The following CNTNAP2 variants were observed in gnomAD, a reference collection of about 807,000 sequenced individuals.
The protein encoded by CNTNAP2 is contactin associated protein 2, also known as contactin-associated protein-like 2.
Under a neutral mutation model 155.2 loss-of-function variants are expected in CNTNAP2, and 98 were observed. That is an observed-to-expected ratio of 0.63 (90% CI 0.54 to 0.75). The LOEUF is 0.75. Among genes scored for constraint, CNTNAP2 ranks in the 30% least tolerant of loss-of-function variants. CNTNAP2 has a pLI of 0.00. For missense variants in CNTNAP2, 1,727 were observed against 1,688.1 expected, an observed-to-expected ratio of 1.02 and a Z score of -0.40; for synonymous variants, 651 against 631.2, an observed-to-expected ratio of 1.03 and a Z score of -0.47.
At chr7:146,907,769 C>G (rs1199555556) in intron 3 of CNTNAP2, among the ~76,000 whole-genome samples, 3 of 150,330 alleles carry the variant, frequency 2.0e-5, no homozygotes, top group African/African-American at 7.3e-5. Context: ...CAGCTAACAT[C>G]ATAATGACAG....
intron 1 of CNTNAP2, among the ~76,000 whole-genome samples, chr7:146,361,383 C>T (rs370420990): frequency 3.3e-4 from 50 of 152,250 alleles, no homozygotes; most frequent in Middle Eastern, 3.4e-3. Flanking sequence ...CAGTCCCCCA[C>T]GTGTACCAAG....
chr7:146,410,943 T>C (rs1795856606), intron 1 of CNTNAP2, among the ~76,000 whole-genome samples: 1 of 152,138 alleles, frequency 6.6e-6, no homozygotes, highest in Non-Finnish European at 1.5e-5. Flanking sequence ...AATGACAGGA[T>C]TTCCTTCTTT....
chr7:146,293,202 C>T (rs1363648959), intron 1 of CNTNAP2, among the ~76,000 whole-genome samples: 1 of 152,022 alleles, frequency 6.6e-6, no homozygotes, highest in African/African-American at 2.4e-5. Flanking sequence ...ATATAGATGA[C>T]AAGCACAATA....
intron 15 of CNTNAP2, among the ~76,000 whole-genome samples, chr7:148,049,927 C>T (rs1450143989): frequency 6.6e-6 from 1 of 152,110 alleles, no homozygotes; most frequent in East Asian, 1.9e-4. Context: ...CTTTGGGAGG[C>T]CGAGGCAGGT....
At chr7:146,448,548 GT>G (rs1796434887) in intron 1 of CNTNAP2, among the ~76,000 whole-genome samples, 1 of 151,392 alleles carries the variant, frequency 6.6e-6, no homozygotes, top group African/African-American at 2.4e-5. Flanking sequence ...TAGGGTACAT[GT>G]GAATATAGGA....
intron 19 of CNTNAP2, among the ~76,000 whole-genome samples, chr7:148,225,366 G>A (rs1386619735): frequency 6.6e-6 from 1 of 152,146 alleles, no homozygotes; most frequent in Admixed American, 6.5e-5. Flanking sequence ...GAAGGAGTGA[G>A]GGCATAGCCA....
In CNTNAP2 at chr7:147,195,145, C is replaced by T. The variant is rs577272299; in HGVS notation, c.1348+62636C>T. On this transcript the variant is annotated intron_variant, in intron 8 of 23. Coordinates refer to ENST00000361727, the MANE Select transcript of CNTNAP2 (RefSeq NM_014141.6). ...GTTTCGGTTTTCTGCATACAGCTAG[C>T]CGGTTTTCCCATTACCATTTACTGA... Among the ~76,000 whole-genome samples the T allele has an allele frequency of 2.0e-5, 3 of 152,244 alleles. No individual in the cohort carries two copies. In the East Asian group the frequency reaches 5.8e-4, roughly 29 times the overall value.
At chr7:147,679,027 T>A (rs1315836541) in intron 13 of CNTNAP2, among the ~76,000 whole-genome samples, 1 of 151,880 alleles carries the variant, frequency 6.6e-6, no homozygotes, top group Non-Finnish European at 1.5e-5. Context: ...ACTACTGTAC[T>A]TACCTTAGAG....
At position 146,954,808 on chromosome 7, in the gene CNTNAP2, A is replaced by G. The variant is rs780013884; in HGVS notation, c.403-89099A>G. On this transcript the variant is annotated intron_variant, in intron 3 of 23. Transcript: ENST00000361727. Reference sequence around the variant, plus strand: ...AATTCACCCCAAATTATTTTAGTATATGATGTGAAATCCAAGTCTAGCTTT... The same window carrying G: ...AATTCACCCCAAATTATTTTAGTATGTGATGTGAAATCCAAGTCTAGCTTT... Among the ~76,000 whole-genome samples the G allele has an allele frequency of 4.6e-5, 7 of 151,962 alleles. 1 individual carries two copies. The highest frequency in any genetic ancestry group is 8.8e-5 in the Non-Finnish European group (6 of 67,848).
At chr7:146,830,404 T>C (rs1455363207) in intron 2 of CNTNAP2, among the ~76,000 whole-genome samples, 1 of 152,126 alleles carries the variant, frequency 6.6e-6, no homozygotes, top group African/African-American at 2.4e-5. Flanking sequence ...TGTTACACTG[T>C]TATGTTCATT....
chr7:146,902,572 A>G (rs1200064673), intron 3 of CNTNAP2, among the ~76,000 whole-genome samples: 2 of 152,234 alleles, frequency 1.3e-5, no homozygotes, highest in South Asian at 2.1e-4. Context: ...TTCACAATTC[A>G]TATGCAGGAC....
intron 13 of CNTNAP2, among the ~76,000 whole-genome samples, chr7:147,792,347 G>A (rs1166172522): frequency 6.9e-6 from 1 of 144,548 alleles, no homozygotes; most frequent in African/African-American, 2.8e-5. Context: ...TTCTATCTCC[G>A]CCAACTTCTC....
At chr7:148,173,362 T>C (rs1794866406) in intron 18 of CNTNAP2, among the ~76,000 whole-genome samples, 1 of 152,170 alleles carries the variant, frequency 6.6e-6, no homozygotes, top group South Asian at 2.1e-4. Flanking sequence ...AGCATATGGG[T>C]AAAGTTTTCT....
At chr7:148,339,024 C>A (rs1402164954) in intron 21 of CNTNAP2, among the ~76,000 whole-genome samples, 1 of 152,178 alleles carries the variant, frequency 6.6e-6, no homozygotes, top group Non-Finnish European at 1.5e-5. Flanking sequence ...CAGAAATAAT[C>A]CCTATTGACC....
At chr7:147,200,411 T>C (rs930082385) in intron 8 of CNTNAP2, among the ~76,000 whole-genome samples, 1 of 152,152 alleles carries the variant, frequency 6.6e-6, no homozygotes, top group Non-Finnish European at 1.5e-5. Flanking sequence ...AACATTTTCA[T>C]GGATTCCCTG....
intron 10 of CNTNAP2, among the ~76,000 whole-genome samples, chr7:147,471,958 T>C (rs1278568214): frequency 2.6e-5 from 4 of 152,086 alleles, no homozygotes; most frequent in African/African-American, 9.7e-5. Context: ...AAAATACAGA[T>C]CTTTTTGTAA....
intron 1 of CNTNAP2, among the ~76,000 whole-genome samples, chr7:146,688,922 A>T (rs1203493612): frequency 6.6e-6 from 1 of 152,164 alleles, no homozygotes; most frequent in Non-Finnish European, 1.5e-5. Context: ...GGTAAAAATT[A>T]TAGTATGTAA....
At chr7:146,792,538 A>C (rs1202383417) in intron 2 of CNTNAP2, among the ~76,000 whole-genome samples, 4 of 152,252 alleles carry the variant, frequency 2.6e-5, no homozygotes, top group African/African-American at 9.6e-5. Context: ...TGTCAAAATC[A>C]GTGTTGAAAG....
chr7:148,203,735 T>C (rs1034871730), intron 18 of CNTNAP2, among the ~76,000 whole-genome samples: 1 of 149,716 alleles, frequency 6.7e-6, no homozygotes, highest in Admixed American at 6.7e-5. Flanking sequence ...CGAGAGTACA[T>C]CTCAAAAAAA....
Sources: allele counts gnomAD v4.1 joint callset (sites outside exome capture counted in the v4.1 genomes callset), GRCh38; gene constraint gnomAD v4.1.1; transcripts MANE v1.5; gene names NCBI Gene and HGNC (gene_info 2026-07-23, HGNC 2026-07-21).